SFXN5: variants seen among roughly 807,000 people sequenced by gnomAD.
SFXN5 encodes the protein sideroflexin 5.
SFXN5 carries 43 observed loss-of-function variants against 50.2 expected under a neutral mutation model. That is an observed-to-expected ratio of 0.86 (90% CI 0.67 to 1.11). The LOEUF (loss-of-function observed/expected upper bound fraction) is 1.11, where lower values mean the gene tolerates loss of function less well. Among genes scored for constraint, SFXN5 ranks in the 50% least tolerant of loss-of-function variants. The pLI, the probability that SFXN5 is intolerant of heterozygous loss-of-function variation, is 0.00. For missense variants in SFXN5, 463 were observed against 454.1 expected, an observed-to-expected ratio of 1.02 and a Z score of -0.18; for synonymous variants, 203 against 185.8, an observed-to-expected ratio of 1.09 and a Z score of -0.75.
intron 8 of SFXN5, 32 bp from the exon 9 acceptor site, chr2:72,999,046 T>C (rs772535891): frequency 3.5e-5 from 56 of 1,611,642 alleles, no homozygotes; most frequent in Middle Eastern, 1.6e-4. Flanking sequence ...TCAGGCCTGC[T>C]GGGTGCCCAA....
At chr2:72,982,480 T>G (rs993471057) in intron 10 of SFXN5, among the ~76,000 whole-genome samples, 1 of 152,236 alleles carries the variant, frequency 6.6e-6, no homozygotes, top group African/African-American at 2.4e-5. Context: ...GCCAAAGCAC[T>G]CATTTGATCA....
chr2:73,059,072 A>G (rs1682527949), intron 1 of SFXN5: 1 of 976,978 alleles, frequency 1.0e-6, no homozygotes, highest in Non-Finnish European at 1.2e-6. Flanking sequence ...GGGCAGCTCA[A>G]GCCTAAAAGC....
chr2:73,057,335 AC>A (rs750107435), intron 2 of SFXN5, among the ~76,000 whole-genome samples: 1 of 152,104 alleles, frequency 6.6e-6, no homozygotes, highest in Non-Finnish European at 1.5e-5. Context: ...GACAAGTCTC[AC>A]TGTGTTGCCC....
chr2:73,000,568 A>C, intron 7 of SFXN5, 81 bp from the exon 8 acceptor site: 1 of 1,359,242 alleles, frequency 7.4e-7, no homozygotes, highest in Non-Finnish European at 1.0e-6. Context: ...GAGGCCACAC[A>C]TCCCCAGAAA....
At chr2:72,966,732 A>G (rs1476126345) in intron 12 of SFXN5, among the ~76,000 whole-genome samples, 1 of 152,086 alleles carries the variant, frequency 6.6e-6, no homozygotes, top group Non-Finnish European at 1.5e-5. Flanking sequence ...CCTTTCCACA[A>G]AAATTCTATC....
At chr2:72,957,189 G>C in intron 13 of SFXN5, 2 of 421,102 alleles carry the variant, frequency 4.7e-6, no homozygotes, top group South Asian at 3.4e-5. Context: ...TCTCTCCCCA[G>C]AGCCATCTGA....
intron 13 of SFXN5, among the ~76,000 whole-genome samples, chr2:72,952,012 T>G (rs1373591345): frequency 6.6e-6 from 1 of 151,906 alleles, no homozygotes. Context: ...CTATCTTGAG[T>G]GTCTTTGGAG....
chr2:73,000,314 G>A (rs1673741431), intron 8 of SFXN5, 117 bp downstream of exon 8: 1 of 948,068 alleles, frequency 1.1e-6, no homozygotes, highest in Non-Finnish European at 1.6e-6. Context: ...GATATCTAGA[G>A]GAGGGCCATG....
At chr2:72,983,485 C>T (rs1431106635) in intron 10 of SFXN5, among the ~76,000 whole-genome samples, 1 of 152,200 alleles carries the variant, frequency 6.6e-6, no homozygotes, top group Admixed American at 6.5e-5. Context: ...CTGGCTGATG[C>T]CAAAGCTCAG....
At chr2:72,998,114 A>T (rs1291770427) in intron 9 of SFXN5, 1 of 152,068 alleles carries the variant, frequency 6.6e-6, no homozygotes, top group Admixed American at 6.5e-5. Flanking sequence ...TACCAGTTAC[A>T]TTAATGTATT....
Position 72,945,028 on chromosome 2 carries a change from C to G in SFXN5, c.1017G>C (p.Gly339=). Residue 339 remains glycine, a synonymous_variant, in exon 14 of 14, where the codon GGG becomes GGC. Transcript: ENST00000272433. The surrounding 1 kb of genome is among the most constrained non-coding windows in gnomAD (Gnocchi z 5.8). ...CCCAGGCCGCTGACCACACTCACAA[C>G]CCCTTGTTGTACACCACTGTCCGGC... ...TSSRTVVYNK[G]L is the part of the protein sequence containing the mutation. 1.2e-6 allele frequency: 2 copies of G among 1,613,832 alleles called. No individual in the cohort carries two copies. Among genetic ancestry groups the G allele is most frequent in the African/African-American group, 2.7e-5 (2 of 75,038 alleles).
chr2:73,015,079 G>A lies in SFXN5; in HGVS notation c.357+5160C>T, dbSNP rs1021414926. ...ATCTTTAAGACAGGTGCTTGCTATG[G>A]TTGGTTTAAATCATTTTTTATAGAC... On this transcript the variant is annotated intron_variant, in intron 6 of 13. Transcript: ENST00000272433. Among the ~76,000 whole-genome samples, 8 of 152,190 alleles carry A rather than the reference G, an allele frequency of 5.3e-5. No individual in the cohort carries two copies. The East Asian group carries it at 1.3e-3, about 26-fold the overall frequency.
chr2:72,965,710 T>G (rs1003203672), intron 12 of SFXN5, among the ~76,000 whole-genome samples: 3 of 152,196 alleles, frequency 2.0e-5, no homozygotes, highest in African/African-American at 7.2e-5. Flanking sequence ...AAACTTTTCC[T>G]GTTTCACCAT....
intron 6 of SFXN5, among the ~76,000 whole-genome samples, chr2:73,011,827 C>A (rs761367752): frequency 2.0e-5 from 3 of 152,212 alleles, no homozygotes; most frequent in Non-Finnish European, 2.9e-5. Context: ...TCAGCCATAT[C>A]TGTTAAAGAT....
intron 2 of SFXN5, among the ~76,000 whole-genome samples, chr2:73,044,039 G>T (rs1177093941): frequency 6.6e-6 from 1 of 152,178 alleles, no homozygotes; most frequent in South Asian, 2.1e-4. Flanking sequence ...CTGCCCCTCC[G>T]GACCTGGACA....
intron 10 of SFXN5, among the ~76,000 whole-genome samples, chr2:72,987,819 T>C (rs897208673): frequency 6.6e-5 from 10 of 152,160 alleles, no homozygotes; most frequent in Admixed American, 2.6e-4. Flanking sequence ...ATAAATAATA[T>C]TTTAAGACCT....
chr2:72,949,848 C>T (rs575480381), intron 13 of SFXN5, among the ~76,000 whole-genome samples: 3 of 151,152 alleles, frequency 2.0e-5, no homozygotes, highest in African/African-American at 4.9e-5. Flanking sequence ...GATGACTGTG[C>T]GTTGGATGAC....
chr2:73,071,680 G>T lies in SFXN5; in HGVS notation c.26C>A (p.Ser9Ter), dbSNP rs1481540508. MADTATTASAAAASAASAS... is the reference protein window; with the variant it reads MADTATTA ...GCTAGCGGCACTAGCCGCCGCCGCCGATGCTGTAGTCGCTGTATCCGCCAT... is the reference window on the plus strand; with the variant it reads ...GCTAGCGGCACTAGCCGCCGCCGCCTATGCTGTAGTCGCTGTATCCGCCAT... The change falls in exon 1 of 14, where the codon TCG (serine) becomes TAG (stop). Residue 9 changes from serine to a stop codon, truncating the protein, a stop_gained. Transcript: ENST00000272433. LOFTEE classifies it high-confidence loss of function. The T allele has an allele frequency of 6.2e-7, 1 of 1,613,044 alleles. No individual in the cohort carries two copies. The highest frequency in any genetic ancestry group is 1.3e-5 in the African/African-American group (1 of 74,938).
chr2:73,007,546 C>G (rs1674864971), intron 6 of SFXN5, among the ~76,000 whole-genome samples: 1 of 152,096 alleles, frequency 6.6e-6, no homozygotes, highest in Admixed American at 6.5e-5. Flanking sequence ...CCATTCACCT[C>G]ATCAGCAAAA....
Sources: allele counts gnomAD v4.1 joint callset (sites outside exome capture counted in the v4.1 genomes callset), GRCh38; gene constraint gnomAD v4.1.1; non-coding constraint Gnocchi (gnomAD v3.1); transcripts MANE v1.5; gene names NCBI Gene and HGNC (gene_info 2026-07-23, HGNC 2026-07-21).